The following SIM1 variants were observed in gnomAD, a reference collection of about 807,000 sequenced individuals.
The protein encoded by SIM1 is single-minded homolog 1.
A neutral mutation model predicts 78.2 loss-of-function variants in SIM1; 18 were observed. That is an observed-to-expected ratio of 0.23 (90% CI 0.16 to 0.34). The LOEUF is 0.34. Ranked by LOEUF, SIM1 falls within the 10% of genes least tolerant of loss-of-function variation. The pLI is 1.00. For missense variants in SIM1, 939 were observed against 975.1 expected (o/e 0.96, Z 0.49); for synonymous variants, 417 against 385.2 (o/e 1.08, Z -0.97).
intron 10 of SIM1, chr6:100,394,121 G>A (rs1417771518): frequency 1.6e-5 from 7 of 440,172 alleles, no homozygotes; most frequent in Admixed American, 1.3e-4. Context: ...ATGAAAGCAG[G>A]AGATAAAGAT....
chr6:100,389,563 G>A lies in SIM1; in HGVS notation c.*798C>T, dbSNP rs1220660272. The A allele has an allele frequency of 2.5e-6, 1 of 398,608 alleles. No homozygotes were observed. The highest frequency in any genetic ancestry group is 4.4e-6 in the Non-Finnish European group (1 of 225,936). 24.7% of individuals were successfully genotyped at this position (398,608 alleles called of 1,614,324 possible). A position where few individuals can be genotyped will look rare whatever the true frequency, so the allele number is the denominator to read the frequency against. ...AGCATTTTATTTCACTCTGCCTCTGGCCTTTCCATATTCATAGAACTACTT... is the reference window on the plus strand; with the variant it reads ...AGCATTTTATTTCACTCTGCCTCTGACCTTTCCATATTCATAGAACTACTT... On this transcript the variant is annotated 3_prime_UTR_variant, in exon 12 of 12. Coordinates refer to ENST00000369208, the MANE Select transcript of SIM1 (RefSeq NM_005068.3).
Position 100,450,321 on chromosome 6 carries a change from A to G in SIM1, c.294T>C (p.Asp98=). 1 of 1,614,118 alleles carries G rather than the reference A, an allele frequency of 6.2e-7. No individual in the cohort carries two copies. The highest frequency in any genetic ancestry group is 1.1e-5 in the South Asian group (1 of 91,078). Residue 98 remains aspartate, a synonymous_variant, in exon 4 of 12, where the codon GAT becomes GAC. Transcript: ENST00000369208. ...TCTCTGAGATGTACATGATCTTCCC[A>G]TCTGGGGCTACCACGAAGATGAAGC... The part of the protein sequence containing the change: ...LDGFIFVVAP[D]GKIMYISETA...
chr6:100,438,748 G>T (rs763565178), intron 9 of SIM1, among the ~76,000 whole-genome samples: 2 of 152,056 alleles, frequency 1.3e-5, no homozygotes, highest in Non-Finnish European at 2.9e-5. Context: ...AAGAAAATGT[G>T]GTATATATAT....
chr6:100,436,802 G>A (rs1166151598), intron 9 of SIM1, among the ~76,000 whole-genome samples: 1 of 146,936 alleles, frequency 6.8e-6, no homozygotes, highest in African/African-American at 2.5e-5. Flanking sequence ...GCAGTGACAC[G>A]ATCTTGGCTC....
intron 9 of SIM1, among the ~76,000 whole-genome samples, chr6:100,429,664 T>G (rs765512385): frequency 5.9e-5 from 9 of 152,212 alleles, no homozygotes; most frequent in Non-Finnish European, 1.2e-4. Context: ...GTCTTTCATC[T>G]TCTCTTTAAA....
Position 100,449,359 on chromosome 6 carries a change from G to A in SIM1, c.543+4C>T. 6.2e-7 allele frequency: 1 copy of A among 1,612,110 alleles called. No individual in the cohort carries two copies. The highest frequency in any genetic ancestry group is 8.5e-7 in the Non-Finnish European group (1 of 1,178,512). On this transcript the variant is annotated splice_donor_region_variant and intron_variant, in intron 6 of 11. Transcript: ENST00000369208. ...CACCCGGAGCGGATCTTCCAGCTAC[G>A]CACCTTGTAGCCGCCACAGGTGAGG...
intron 10 of SIM1, among the ~76,000 whole-genome samples, chr6:100,414,470 A>T (rs553220784): frequency 6.6e-6 from 1 of 152,260 alleles, no homozygotes. Flanking sequence ...TTCATTTATG[A>T]AAACCATCTA....
intron 9 of SIM1, among the ~76,000 whole-genome samples, chr6:100,436,138 C>T (rs993451183): frequency 6.6e-6 from 1 of 152,162 alleles, no homozygotes; most frequent in African/African-American, 2.4e-5. Context: ...CAAACAGTGC[C>T]AAGGTGCTTT....
intron 9 of SIM1, among the ~76,000 whole-genome samples, chr6:100,443,534 A>C (rs1448221264): frequency 2.0e-5 from 3 of 152,100 alleles, no homozygotes; most frequent in African/African-American, 7.2e-5. Flanking sequence ...TATCCTACGA[A>C]AGTCTCCTCA....
intron 10 of SIM1, among the ~76,000 whole-genome samples, chr6:100,400,102 G>T (rs1026208758): frequency 3.3e-5 from 5 of 151,980 alleles, no homozygotes; most frequent in African/African-American, 1.2e-4. Flanking sequence ...ACATTGCAAT[G>T]CCATCTACAT....
intron 10 of SIM1, among the ~76,000 whole-genome samples, chr6:100,408,382 G>T (rs1262087493): frequency 6.6e-6 from 1 of 151,988 alleles, no homozygotes; most frequent in Non-Finnish European, 1.5e-5. Context: ...AAGCCTGGAA[G>T]TGTGATTCAT....
Position 100,390,643 on chromosome 6 carries a change from TAGG to T in SIM1, c.2016_2018del (p.Leu673del), listed in dbSNP as rs1770613912. The T allele has an allele frequency of 6.2e-7, 1 of 1,614,218 alleles. No homozygotes were observed. Among genetic ancestry groups the T allele is most frequent in the African/African-American group, 1.3e-5 (1 of 75,066 alleles). On this transcript the variant is annotated inframe_deletion, in exon 12 of 12. Transcript: ENST00000369208. ...TATCCGAATGCAGATAGTCTTTAGC[TAGG>T]ATCAAACTGGATTTTGAAATGCGAT...
chr6:100,462,328 A>C (rs1772876986), intron 2 of SIM1, among the ~76,000 whole-genome samples: 1 of 152,210 alleles, frequency 6.6e-6, no homozygotes. Context: ...CCCCCAGCAA[A>C]GACATATCTA....
chr6:100,415,939 G>A (rs979230800), intron 10 of SIM1, among the ~76,000 whole-genome samples: 1 of 152,134 alleles, frequency 6.6e-6, no homozygotes, highest in African/African-American at 2.4e-5. Context: ...GCCTTAATAA[G>A]CACATTCCTT....
At chr6:100,457,538 C>T (rs190215025) in intron 2 of SIM1, among the ~76,000 whole-genome samples, 3 of 152,370 alleles carry the variant, frequency 2.0e-5, no homozygotes, top group Non-Finnish European at 4.4e-5. Context: ...CCTGCACATC[C>T]TCGCTAAATG....
rs1431420982 is a variant in SIM1 at position 100,450,288 on chromosome 6, T to C, written c.327A>G (p.Ser109=). Residue 109 remains serine (S), a synonymous_variant, in exon 4 of 12, where the codon TCA becomes TCG. Transcript: ENST00000369208. Reference sequence around the variant, plus strand: ...CTACCTGAGAAAGACCCAAGTGGACTGAGGCTGTCTCTGAGATGTACATGA... The same window carrying C: ...CTACCTGAGAAAGACCCAAGTGGACCGAGGCTGTCTCTGAGATGTACATGA... ...GKIMYISETA[S]VHLGLSQVEL... is the part of the protein sequence containing the mutation. 3 of 1,614,076 alleles carry C rather than the reference T, an allele frequency of 1.9e-6. No individual in the cohort carries two copies. The highest frequency in any genetic ancestry group is 2.5e-6 in the Non-Finnish European group (3 of 1,179,996).
At chr6:100,449,324 C>A in intron 6 of SIM1, 39 bp downstream of exon 6, 1 of 1,567,006 alleles carries the variant, frequency 6.4e-7, no homozygotes, top group Non-Finnish European at 8.8e-7. Flanking sequence ...CTTCCCGCCT[C>A]CTCTGACTCC....
Position 100,390,731 on chromosome 6 carries a change from T to C in SIM1, c.1931A>G (p.His644Arg), listed in dbSNP as rs998633050. Residue 644 changes from histidine (H) to arginine (R), a missense_variant, in exon 12 of 12, where the codon CAT becomes CGT. His to Arg is a conservative substitution (Grantham distance 29). Coordinates refer to ENST00000369208, the MANE Select transcript of SIM1 (RefSeq NM_005068.3). Reference sequence around the variant, plus strand: ...GGGACTGTTGTCATAGTCATTTTCATGGGGGCTCAACATTTTTCCCTCTCT... The same window carrying C: ...GGGACTGTTGTCATAGTCATTTTCACGGGGGCTCAACATTTTTCCCTCTCT... Reference protein sequence around the residue: ...QQREGKMLSPHENDYDNSPTA... With the variant: ...QQREGKMLSPRENDYDNSPTA... 13 of 1,614,000 alleles carry C rather than the reference T, an allele frequency of 8.1e-6. No homozygotes were observed. The Admixed American group carries it at 1.3e-4, about 17-fold the overall frequency.
chr6:100,393,625 A>G lies in SIM1; in HGVS notation c.1432T>C (p.Phe478Leu). 6.2e-7 allele frequency: 1 copy of G among 1,614,162 alleles called. No individual in the cohort carries two copies. Among genetic ancestry groups the G allele is most frequent in the Non-Finnish European group, 8.5e-7 (1 of 1,179,962 alleles). The change falls in exon 11 of 12, where the codon TTC (phenylalanine) becomes CTC (leucine). Residue 478 changes from phenylalanine (F) to leucine (L), a missense_variant. Phe to Leu is a conservative substitution (Grantham distance 22). This residue lies in a region of SIM1 where 556 missense variants were observed against 521.9 expected (regional missense o/e 1.07). Transcript: ENST00000369208. Reference sequence around the variant, plus strand: ...CTCCCGGCCTGCGGCGTTCCCAGGAAGTACCTGCCTGCCTCACATCGGCCT... The same window carrying G: ...CTCCCGGCCTGCGGCGTTCCCAGGAGGTACCTGCCTGCCTCACATCGGCCT... ...EGGRCEAGRY[F>L]LGTPQAGREP...
Sources: allele counts gnomAD v4.1 joint callset (sites outside exome capture counted in the v4.1 genomes callset), GRCh38; gene constraint gnomAD v4.1.1; regional missense constraint gnomAD v4.1.1; transcripts MANE v1.5; gene names NCBI Gene and HGNC (gene_info 2026-07-23, HGNC 2026-07-21).